EEF1G: variants seen among roughly 807,000 people sequenced by gnomAD.
EEF1G encodes the protein eukaryotic translation elongation factor 1 gamma, also known as elongation factor 1-gamma.
In EEF1G, 14 loss-of-function variants were observed where a neutral mutation model predicts 58.3. The observed-to-expected ratio is 0.24, with a 90% CI of 0.16 to 0.38. EEF1G has a LOEUF of 0.38. Among genes scored for constraint, EEF1G ranks in the 10% least tolerant of loss-of-function variants. EEF1G has a pLI of 1.00. For missense variants in EEF1G, 322 were observed against 550.1 expected, an observed-to-expected ratio of 0.59 and a Z score of 4.15; for synonymous variants, 180 against 206.8, an observed-to-expected ratio of 0.87 and a Z score of 1.11.
At position 62,573,885 on chromosome 11, in the gene EEF1G, G is replaced by A. The variant is rs754553441; in HGVS notation, c.-43C>T. 5 of 1,613,084 alleles carry A rather than the reference G, an allele frequency of 3.1e-6. No homozygotes were observed. In the Admixed American group the frequency reaches 6.7e-5, roughly 22 times the overall value. ...AGGGGGTGGGGTTCTCGGCGCTGCC[G>A]CAAAGTAAGCCGCCCGGGAGAGAAG... On this transcript the variant is annotated 5_prime_UTR_variant, in exon 1 of 10. Coordinates refer to ENST00000329251, the MANE Select transcript of EEF1G (RefSeq NM_001404.5).
intron 7 of EEF1G, among the ~76,000 whole-genome samples, chr11:62,562,170 GCTT>G (rs1265731935): frequency 2.0e-5 from 3 of 152,112 alleles, no homozygotes; most frequent in Non-Finnish European, 4.4e-5. Flanking sequence ...TAACCATTTT[GCTT>G]CTTTTGATTC....
chr11:62,561,688 A>AAAAAAAAAAAACAAAAC (rs1941498250), intron 7 of EEF1G, among the ~76,000 whole-genome samples: 36 of 140,506 alleles, frequency 2.6e-4, no homozygotes, highest in Non-Finnish European at 4.3e-4. Flanking sequence ...AAAACAAAAA[A>AAAAAAAAAAAACAAAAC]AAAAAAAACA....
Position 62,560,327 on chromosome 11 carries a change from G to C in EEF1G, c.985C>G (p.Pro329Ala). 1 of 1,611,686 alleles carries C rather than the reference G, an allele frequency of 6.2e-7. No individual in the cohort carries two copies. Among genetic ancestry groups the C allele is most frequent in the Non-Finnish European group, 8.5e-7 (1 of 1,178,794 alleles). The change falls in exon 8 of 10, where the codon CCT becomes GCT. Residue 329 changes from proline (P) to alanine (A), a missense_variant. Pro to Ala is a conservative substitution (Grantham distance 27). Around this residue, in one of 3 missense-constraint regions of EEF1G, gnomAD observed 208 missense variants for 323.7 expected, o/e 0.64. Transcript: ENST00000329251. ...ATGAAGGTCTGAGTGAGTTCTTCAG[G>C]GAAGCGATACTCTGAGTACCACAGG... The part of the protein sequence containing the change: ...WSLWYSEYRF[P>A]EELTQTFMSC...
chr11:62,564,758 CAAAA>C (rs34663205), intron 7 of EEF1G, among the ~76,000 whole-genome samples: 10 of 75,054 alleles, frequency 1.3e-4, no homozygotes, highest in East Asian at 7.9e-4. Context: ...GACTCCATCT[CAAAA>C]AAAAAAAAAA....
At position 62,571,887 on chromosome 11, in the gene EEF1G, C is replaced by G; in HGVS notation, c.186G>C (p.Glu62Asp). The G allele has an allele frequency of 6.3e-7, 1 of 1,581,936 alleles. No individual in the cohort carries two copies. Among genetic ancestry groups the G allele is most frequent in the Non-Finnish European group, 8.6e-7 (1 of 1,163,802 alleles). Reference protein sequence around the residue: ...KFPAGKVPAFEGDDGFCVFES... With the variant: ...KFPAGKVPAFDGDDGFCVFES... ...CAAACACACAGAATCCATCATCACC[C>G]TCAAATGCTGGGACCTGGGGACAAA... is the stretch of plus-strand genomic sequence containing the variant. Residue 62 changes from glutamate (E) to aspartate (D), a missense_variant, in exon 3 of 10, where the codon GAG becomes GAC. Around this residue, in one of 3 missense-constraint regions of EEF1G, gnomAD observed 62 missense variants for 87.0 expected, o/e 0.71. Coordinates refer to ENST00000329251, the MANE Select transcript of EEF1G (RefSeq NM_001404.5).
chr11:62,566,057 T>C (rs139443947), intron 7 of EEF1G, among the ~76,000 whole-genome samples: 1 of 152,174 alleles, frequency 6.6e-6, no homozygotes, highest in Non-Finnish European at 1.5e-5. Flanking sequence ...GACCACAGAA[T>C]ATATATTTCT....
Position 62,565,628 on chromosome 11 carries a change from GTTAA to G in EEF1G, c.857+1174_857+1177del, listed in dbSNP as rs113206684. Among the ~76,000 whole-genome samples the G allele has an allele frequency of 5.6e-4, 85 of 152,224 alleles. 1 individual carries two copies. Among genetic ancestry groups the G allele is most frequent in the African/African-American group, 2.0e-3 (81 of 41,526 alleles). ...AGTTACAACACAATATGTAATTTGG[GTTAA>G]TTATCATGACCTATTTACACACACC... is the stretch of plus-strand genomic sequence containing the variant. On this transcript the variant is annotated intron_variant, in intron 7 of 9. Coordinates refer to ENST00000329251, the MANE Select transcript of EEF1G (RefSeq NM_001404.5).
At chr11:62,565,472 C>G (rs1479243145) in intron 7 of EEF1G, among the ~76,000 whole-genome samples, 7 of 152,038 alleles carry the variant, frequency 4.6e-5, no homozygotes, top group Non-Finnish European at 8.8e-5. Context: ...TAAACATTCC[C>G]AAAACCATGT....
intron 8 of EEF1G, 33 bp from the exon 9 acceptor site, chr11:62,560,226 G>C (rs1425895819): frequency 1.9e-6 from 3 of 1,613,864 alleles, no homozygotes; most frequent in Non-Finnish European, 2.5e-6. Context: ...TCAGCCTTTG[G>C]AATCACAGCA....
intron 1 of EEF1G, 21 bp from the exon 2 acceptor site, chr11:62,572,763 C>G (rs1283255101): frequency 1.3e-6 from 2 of 1,598,488 alleles, no homozygotes; most frequent in Non-Finnish European, 1.7e-6. Flanking sequence ...AAGAGAGGGA[C>G]AAAATTAATG....
intron 5 of EEF1G, among the ~76,000 whole-genome samples, chr11:62,570,707 A>G (rs1048911340): frequency 3.9e-5 from 6 of 152,006 alleles, no homozygotes; most frequent in African/African-American, 1.4e-4. Flanking sequence ...GGTGTGCGCC[A>G]CCACACCTGG....
intron 3 of EEF1G, 22 bp from the exon 4 acceptor site, chr11:62,571,704 GTCAGAAC>G (rs1565262768): frequency 6.3e-7 from 1 of 1,581,054 alleles, no homozygotes; most frequent in South Asian, 1.2e-5. Context: ...GAACACGAAG[GTCAGAAC>G]TCTGGGGGAA....
intron 7 of EEF1G, among the ~76,000 whole-genome samples, chr11:62,562,141 T>G (rs907682712): frequency 1.3e-5 from 2 of 152,262 alleles, no homozygotes; most frequent in Admixed American, 1.3e-4. Context: ...ATTTGTCTTT[T>G]AAATTGTTTA....
chr11:62,572,482 A>G lies in EEF1G; in HGVS notation c.171+102T>C. On this transcript the variant is annotated intron_variant, in intron 2 of 9. Transcript: ENST00000329251. ...AATCACCGAAATTGAATAAAACAAC[A>G]TGGGAAGCTCCCTTTTAGAGATGGG... 2.8e-6 allele frequency: 4 copies of G among 1,447,328 alleles called. No homozygotes were observed. In the South Asian group the frequency reaches 3.9e-5, roughly 14 times the overall value. The allele number at this position is 1,447,328 out of a possible 1,614,324, so 89.7% of individuals were successfully genotyped here.
At chr11:62,567,557 T>G in intron 5 of EEF1G, 29 bp from the exon 6 acceptor site, 2 of 1,560,324 alleles carry the variant, frequency 1.3e-6, no homozygotes, top group Non-Finnish European at 8.7e-7. Context: ...GTAAACAAAG[T>G]CAGTGGAAAG....
At chr11:62,573,656 C>T (rs997682483) in intron 1 of EEF1G, 175 bp downstream of exon 1, 37 of 909,764 alleles carry the variant, frequency 4.1e-5, no homozygotes, top group Non-Finnish European at 5.6e-5. Context: ...TCCGAGAGCC[C>T]CAGCCTCAGT....
chr11:62,567,590 G>A lies in EEF1G; in HGVS notation c.523-62C>T, dbSNP rs1941571997. On this transcript the variant is annotated intron_variant, in intron 5 of 9. Coordinates refer to ENST00000329251, the MANE Select transcript of EEF1G (RefSeq NM_001404.5). ...AAGGCCCTGAAGAGTTCTGTTCACA[G>A]CAAGAGTCCTTGCTCTACCTAAGTC... 5 of 1,471,766 alleles carry A rather than the reference G, an allele frequency of 3.4e-6. No individual in the cohort carries two copies. The South Asian group carries it at 4.3e-5, about 13-fold the overall frequency. 91.2% of individuals were successfully genotyped at this position (1,471,766 alleles called of 1,614,324 possible). A position where few individuals can be genotyped will look rare whatever the true frequency, so the allele number is the denominator to read the frequency against.
At chr11:62,573,582 G>A (rs2134298636) in intron 1 of EEF1G, 1 of 596,772 alleles carries the variant, frequency 1.7e-6, no homozygotes. Flanking sequence ...CCTTTCTCAG[G>A]CTTCGGACGG....
chr11:62,570,854 C>T (rs1300509207), intron 5 of EEF1G, 111 bp downstream of exon 5: 2 of 1,460,726 alleles, frequency 1.4e-6, no homozygotes, highest in East Asian at 4.5e-5. Flanking sequence ...CTGCACCCAC[C>T]TCTAGCTGTT....
Sources: allele counts gnomAD v4.1 joint callset (sites outside exome capture counted in the v4.1 genomes callset), GRCh38; gene constraint gnomAD v4.1.1; regional missense constraint gnomAD v4.1.1; transcripts MANE v1.5; gene names NCBI Gene and HGNC (gene_info 2026-07-23, HGNC 2026-07-21).